The following GSE1 variants were observed in gnomAD, a reference collection of about 807,000 sequenced individuals.
GSE1 encodes Gse1 coiled-coil protein.
Under a neutral mutation model 112.6 loss-of-function variants are expected in GSE1, and 32 were observed. The ratio of observed to expected loss-of-function variants is 0.28; its 90% CI spans 0.21 to 0.38. The LOEUF (loss-of-function observed/expected upper bound fraction) is 0.38, where lower values mean the gene tolerates loss of function less well. Among genes scored for constraint, GSE1 ranks in the 10% least tolerant of loss-of-function variants. GSE1 has a pLI of 1.00. For synonymous variants in GSE1, 1,115 were observed against 735.6 expected, an observed-to-expected ratio of 1.52 and a Z score of -8.35; for missense variants, 2,348 against 1,699.2, an observed-to-expected ratio of 1.38 and a Z score of -6.71.
intron 1 of GSE1, among the ~76,000 whole-genome samples, chr16:85,335,466 G>C (rs2046462952): frequency 6.6e-6 from 1 of 150,800 alleles, no homozygotes; most frequent in Non-Finnish European, 1.5e-5. Flanking sequence ...GGAGGCGGAG[G>C]CCGTGCTGTG....
chr16:85,436,947 A>G (rs925467877), intron 2 of GSE1, among the ~76,000 whole-genome samples: 5 of 152,194 alleles, frequency 3.3e-5, no homozygotes, highest in Non-Finnish European at 7.4e-5. Flanking sequence ...CTGCTTAAAA[A>G]ATGTGGGGAT....
chr16:85,459,824 G>A (rs1164465139), intron 2 of GSE1, among the ~76,000 whole-genome samples: 1 of 152,222 alleles, frequency 6.6e-6, no homozygotes, highest in African/African-American at 2.4e-5. Context: ...TTTGTGCAAG[G>A]CTGAACAGGC....
At chr16:85,624,125 T>C (rs944178776) in intron 1 of GSE1, among the ~76,000 whole-genome samples, 1 of 152,168 alleles carries the variant, frequency 6.6e-6, no homozygotes, top group African/African-American at 2.4e-5. Context: ...TGCTGGCCCA[T>C]GCCCCCCGGC....
intron 2 of GSE1, among the ~76,000 whole-genome samples, chr16:85,503,682 A>G (rs2051443414): frequency 6.6e-6 from 1 of 152,210 alleles, no homozygotes; most frequent in Admixed American, 6.5e-5. Flanking sequence ...CTATCTGGAC[A>G]GAAGTGTCAC....
At chr16:85,353,907 C>T (rs778713223) in intron 1 of GSE1, among the ~76,000 whole-genome samples, 4 of 152,212 alleles carry the variant, frequency 2.6e-5, no homozygotes, top group Non-Finnish European at 4.4e-5. Context: ...AGCAGGAGCC[C>T]GTCCAAGCTG....
chr16:85,425,562 G>A (rs1340455526), intron 2 of GSE1, among the ~76,000 whole-genome samples: 2 of 152,202 alleles, frequency 1.3e-5, no homozygotes, highest in Non-Finnish European at 2.9e-5. Flanking sequence ...ACCGATGCAC[G>A]CTTTGGCGGA....
intron 1 of GSE1, among the ~76,000 whole-genome samples, chr16:85,329,478 G>C (rs1333165861): frequency 6.6e-6 from 1 of 151,970 alleles, no homozygotes; most frequent in Non-Finnish European, 1.5e-5. Context: ...CTGGCTTGGG[G>C]GCTGCAGAGC....
intron 1 of GSE1, among the ~76,000 whole-genome samples, chr16:85,345,258 T>G (rs921056154): frequency 1.3e-5 from 2 of 152,214 alleles, no homozygotes; most frequent in African/African-American, 4.8e-5. Flanking sequence ...ATAAAAATTA[T>G]ATGAAATTCA....
intron 2 of GSE1, among the ~76,000 whole-genome samples, chr16:85,491,595 C>T (rs1037063725): frequency 6.6e-6 from 1 of 152,094 alleles, no homozygotes; most frequent in Non-Finnish European, 1.5e-5. Flanking sequence ...GGCTGTGTGG[C>T]AGCTGGAAGG....
rs528602068 is a variant in GSE1, at chr16:85,403,959, T to G, written c.2464+46316T>G. Among the ~76,000 whole-genome samples the G allele has an allele frequency of 3.7e-4, 57 of 152,308 alleles. No individual in the cohort carries two copies. The South Asian group carries it at 0.012, about 32-fold the overall frequency. On this transcript the variant is annotated intron_variant, in intron 2 of 2. Coordinates refer to the GSE1 transcript ENST00000637419. ...TCTGGGGACTCTGGCTTCCAGGGCTTGTGGCCGCTCACTGCAGCCTTCAGG... is the reference window on the plus strand; with the variant it reads ...TCTGGGGACTCTGGCTTCCAGGGCTGGTGGCCGCTCACTGCAGCCTTCAGG...
At chr16:85,631,027 C>T (rs745339343) in intron 1 of GSE1, among the ~76,000 whole-genome samples, 7 of 152,116 alleles carry the variant, frequency 4.6e-5, no homozygotes, top group Non-Finnish European at 7.4e-5. Flanking sequence ...GTGGTCTTTG[C>T]GTTCCCCGGG....
At chr16:85,205,922 CGTG>C (rs1567609623) in intron 1 of GSE1, among the ~76,000 whole-genome samples, 1 of 152,208 alleles carries the variant, frequency 6.6e-6, no homozygotes, top group Admixed American at 6.5e-5. Context: ...AAGACAGAAA[CGTG>C]GTGTGCAAAG....
intron 2 of GSE1, among the ~76,000 whole-genome samples, chr16:85,504,793 A>T (rs1159728587): frequency 2.6e-5 from 4 of 152,118 alleles, no homozygotes; most frequent in Non-Finnish European, 4.4e-5. Flanking sequence ...TCCCAGAACA[A>T]GGGGGTACAG....
At chr16:85,612,180 G>GCCCCCGAGGCCCGCCCCTTTAA (rs1598376238), upstream of GSE1, among the ~76,000 whole-genome samples, 2 of 149,872 alleles carry the variant, frequency 1.3e-5, no homozygotes, top group Non-Finnish European at 3.0e-5. Context: ...GCCGACCCCT[G>GCCCCCGAGGCCCGCCCCTTTAA]CCCCCGAGGC....
At chr16:85,239,793 TC>T (rs1905027131) in intron 1 of GSE1, among the ~76,000 whole-genome samples, 1 of 152,222 alleles carries the variant, frequency 6.6e-6, no homozygotes, top group Non-Finnish European at 1.5e-5. Flanking sequence ...AGAAATCTCT[TC>T]TCCATCTTGA....
chr16:85,593,323 CA>C (rs1470563735), intron 1 of GSE1: 1 of 152,160 alleles, frequency 6.6e-6, no homozygotes, highest in Non-Finnish European at 1.5e-5. Flanking sequence ...GCCCTGGCTC[CA>C]TGGGGCCCAG....
At chr16:85,423,466 G>A (rs1193379514) in intron 2 of GSE1, among the ~76,000 whole-genome samples, 1 of 152,222 alleles carries the variant, frequency 6.6e-6, no homozygotes, top group Non-Finnish European at 1.5e-5. Context: ...CTGGTCTGGG[G>A]TGGCAGGGTT....
intron 2 of GSE1, among the ~76,000 whole-genome samples, chr16:85,464,677 G>T (rs2050075434): frequency 6.6e-6 from 1 of 152,246 alleles, no homozygotes; most frequent in African/African-American, 2.4e-5. Flanking sequence ...CCTGCAGGGT[G>T]TGGTGGTTGG....
intron 1 of GSE1, among the ~76,000 whole-genome samples, chr16:85,222,111 C>A (rs151272905): frequency 1.3e-5 from 2 of 152,154 alleles, no homozygotes; most frequent in Non-Finnish European, 2.9e-5. Flanking sequence ...TGGGCCACAT[C>A]TATTCCACGA....
Sources: allele counts gnomAD v4.1 joint callset (sites outside exome capture counted in the v4.1 genomes callset), GRCh38; gene constraint gnomAD v4.1.1; transcripts MANE v1.5; gene names NCBI Gene and HGNC (gene_info 2026-07-23, HGNC 2026-07-21).